KCNT2: variants seen among roughly 807,000 people sequenced by gnomAD.
The protein encoded by KCNT2 is potassium channel subfamily T member 2.
Under a neutral mutation model 153.8 loss-of-function variants are expected in KCNT2, and 67 were observed. The observed-to-expected ratio is 0.44, with a 90% CI of 0.36 to 0.53. The LOEUF is 0.53. Ranked by LOEUF, KCNT2 falls within the 20% of genes least tolerant of loss-of-function variation. The probability of loss-of-function intolerance (pLI) is 0.00; values close to 1 mark genes in which losing one functional copy is unlikely to be tolerated. For missense variants in KCNT2, 975 were observed against 1,354.8 expected (o/e 0.72, Z 4.40); for synonymous variants, 500 against 458.8 (o/e 1.09, Z -1.15).
In KCNT2 at chr1:196,493,344, G is replaced by T. The variant is rs192242635; in HGVS notation, c.96-1003C>A. On this transcript the variant is annotated intron_variant, in intron 1 of 27. Coordinates refer to ENST00000294725, the MANE Select transcript of KCNT2 (RefSeq NM_198503.5). ...TTGGGGGTCTTTTTTTTGGGGGGGA[G>T]ATTTTTGGTTTTGTTTTTTTTGCAA... is the stretch of plus-strand genomic sequence containing the variant. Among the ~76,000 whole-genome samples, 32 of 150,310 alleles carry T rather than the reference G, an allele frequency of 2.1e-4. No homozygotes were observed. The East Asian group carries it at 6.1e-3, about 29-fold the overall frequency.
chr1:196,413,598 G>T (rs74136540), intron 12 of KCNT2, among the ~76,000 whole-genome samples: 2 of 151,534 alleles, frequency 1.3e-5, no homozygotes, highest in African/African-American at 4.8e-5. Context: ...TTTAAAAAGC[G>T]TATGTCATGT....
intron 27 of KCNT2, 86 bp from the exon 28 acceptor site, chr1:196,228,421 AT>A: frequency 1.4e-6 from 1 of 717,938 alleles, no homozygotes; most frequent in East Asian, 2.8e-5. Flanking sequence ...TTTCTAATTT[AT>A]TTGTTCAGTT....
intron 26 of KCNT2, among the ~76,000 whole-genome samples, chr1:196,254,864 T>A (rs1007329380): frequency 1.2e-4 from 18 of 151,632 alleles, no homozygotes; most frequent in Non-Finnish European, 4.4e-5. Context: ...AAAATAAGAA[T>A]TTCTCTTGGG....
intron 19 of KCNT2, among the ~76,000 whole-genome samples, chr1:196,322,645 AG>A (rs1373356707): frequency 6.6e-6 from 1 of 151,894 alleles, no homozygotes; most frequent in Non-Finnish European, 1.5e-5. Flanking sequence ...GAAGTAAAAA[AG>A]GTTTGCAAAT....
Position 196,367,266 on chromosome 1 carries a change from C to T in KCNT2, c.1403+5874G>A, listed in dbSNP as rs962600029. On this transcript the variant is annotated intron_variant, in intron 14 of 27. Coordinates refer to ENST00000294725, the MANE Select transcript of KCNT2 (RefSeq NM_198503.5). ...ATGTAGTAACTATACCATAGGTATA[C>T]GTAATATTTATTTTAGCAGAATGAT... 4.6e-5 allele frequency among the ~76,000 whole-genome samples: 7 copies of T among 152,128 alleles called. No individual in the cohort carries two copies. The East Asian group carries it at 9.7e-4, about 21-fold the overall frequency.
At chr1:196,521,967 T>C (rs1257386204) in intron 1 of KCNT2, among the ~76,000 whole-genome samples, 1 of 152,096 alleles carries the variant, frequency 6.6e-6, no homozygotes, top group Non-Finnish European at 1.5e-5. Flanking sequence ...AAAAAGCACA[T>C]TAAATTATAA....
At chr1:196,373,620 T>C (rs1668710182) in intron 13 of KCNT2, among the ~76,000 whole-genome samples, 1 of 151,874 alleles carries the variant, frequency 6.6e-6, no homozygotes, top group East Asian at 1.9e-4. Flanking sequence ...CCTTTTGTTC[T>C]GATAATTCTA....
intron 11 of KCNT2, among the ~76,000 whole-genome samples, chr1:196,425,516 T>TC (rs1673582599): frequency 1.3e-5 from 2 of 151,970 alleles, no homozygotes; most frequent in Non-Finnish European, 2.9e-5. Context: ...ATTCGGGGAT[T>TC]TGGAGACTAC....
intron 1 of KCNT2, among the ~76,000 whole-genome samples, chr1:196,602,968 A>C (rs1430976637): frequency 6.7e-6 from 1 of 150,008 alleles, no homozygotes; most frequent in Non-Finnish European, 1.5e-5. Flanking sequence ...TTGTATTTTT[A>C]GTAGAGACGG....
chr1:196,234,480 A>G (rs975450278), intron 27 of KCNT2, among the ~76,000 whole-genome samples: 5 of 151,232 alleles, frequency 3.3e-5, no homozygotes, highest in African/African-American at 1.2e-4. Context: ...TGCCTTTACA[A>G]TGCTTTATCT....
chr1:196,558,641 T>G (rs2148916258), intron 1 of KCNT2, among the ~76,000 whole-genome samples: 1 of 151,540 alleles, frequency 6.6e-6, no homozygotes, highest in Non-Finnish European at 1.5e-5. Context: ...GAAGACAAAA[T>G]GCTGACTTAA....
At chr1:196,295,218 T>C (rs1451812808) in intron 22 of KCNT2, among the ~76,000 whole-genome samples, 2 of 151,712 alleles carry the variant, frequency 1.3e-5, no homozygotes, top group Admixed American at 6.6e-5. Flanking sequence ...AATAAAAATA[T>C]AGAATAAAAG....
At chr1:196,606,628 A>C (rs141917131) in intron 1 of KCNT2, among the ~76,000 whole-genome samples, 3 of 152,204 alleles carry the variant, frequency 2.0e-5, no homozygotes, top group Non-Finnish European at 2.9e-5. Context: ...GAGGGCAACC[A>C]CATGAAAATT....
intron 1 of KCNT2, among the ~76,000 whole-genome samples, chr1:196,546,931 G>A (rs1166618602): frequency 6.6e-6 from 1 of 151,826 alleles, no homozygotes; most frequent in Non-Finnish European, 1.5e-5. Context: ...ATAAATATTT[G>A]GTAAGGTACA....
chr1:196,257,559 A>T, intron 26 of KCNT2: 1 of 922,412 alleles, frequency 1.1e-6, no homozygotes, highest in African/African-American at 1.8e-5. Context: ...TACACTGATA[A>T]ATGATATATT....
intron 26 of KCNT2, among the ~76,000 whole-genome samples, chr1:196,250,166 G>A (rs1476100695): frequency 6.6e-6 from 1 of 151,842 alleles, no homozygotes; most frequent in Non-Finnish European, 1.5e-5. Flanking sequence ...GAACAAAACT[G>A]GCAGAATCAC....
intron 1 of KCNT2, among the ~76,000 whole-genome samples, chr1:196,561,144 T>C (rs1423672818): frequency 1.3e-5 from 2 of 151,862 alleles, no homozygotes; most frequent in East Asian, 1.9e-4. Context: ...GTATAGGCCA[T>C]AATAGATATA....
intron 8 of KCNT2, among the ~76,000 whole-genome samples, chr1:196,436,612 C>A (rs757599911): frequency 6.6e-6 from 1 of 151,276 alleles, no homozygotes; most frequent in Non-Finnish European, 1.5e-5. Flanking sequence ...TTGTTTCATT[C>A]ACACATGTCT....
chr1:196,422,634 C>T (rs1673308684), intron 12 of KCNT2, among the ~76,000 whole-genome samples: 1 of 151,614 alleles, frequency 6.6e-6, no homozygotes, highest in Non-Finnish European at 1.5e-5. Context: ...TGATTACCAC[C>T]CCAAATATCT....
Sources: allele counts gnomAD v4.1 joint callset (sites outside exome capture counted in the v4.1 genomes callset), GRCh38; gene constraint gnomAD v4.1.1; transcripts MANE v1.5; gene names NCBI Gene and HGNC (gene_info 2026-07-23, HGNC 2026-07-21).